LARP4B: variants seen among roughly 807,000 people sequenced by gnomAD.
LARP4B encodes la-related protein 4B.
LARP4B carries 12 observed loss-of-function variants against 89.8 expected under a neutral mutation model. That is an observed-to-expected ratio of 0.13 (90% confidence interval 0.09 to 0.22). LARP4B has a LOEUF of 0.22. Among genes scored for constraint, LARP4B ranks in the 10% least tolerant of loss-of-function variants. The pLI is 1.00. For synonymous variants in LARP4B, 367 were observed against 363.3 expected, an observed-to-expected ratio of 1.01 and a Z score of -0.12; for missense variants, 757 against 947.7, an observed-to-expected ratio of 0.80 and a Z score of 2.64.
chr10:852,818 A>G (rs1834123726), intron 5 of LARP4B, among the ~76,000 whole-genome samples: 1 of 152,254 alleles, frequency 6.6e-6, no homozygotes, highest in Non-Finnish European at 1.5e-5. Flanking sequence ...GAATGCTTTG[A>G]TATACTAGTA....
chr10:964,573 A>C, the LARP4B span, among the ~76,000 whole-genome samples: 1 of 152,182 alleles, frequency 6.6e-6, no homozygotes, highest in African/African-American at 2.4e-5. Flanking sequence ...TGCTGAAGTT[A>C]GCAGAGGTCT....
intron 9 of LARP4B, 33 bp downstream of exon 9, chr10:830,834 G>C (rs1311163716): frequency 1.1e-6 from 1 of 911,898 alleles, no homozygotes; most frequent in South Asian, 1.4e-5. Flanking sequence ...GGTAAACTAT[G>C]CAATTCATAG....
intron 1 of LARP4B, among the ~76,000 whole-genome samples, chr10:928,272 C>T: frequency 6.6e-6 from 1 of 150,904 alleles, no homozygotes; most frequent in South Asian, 2.1e-4. Flanking sequence ...AGGATAAAAA[C>T]AAATGAAATC....
chr10:808,392 C>T (rs573078536), downstream of LARP4B: 8 of 152,306 alleles, frequency 5.3e-5, no homozygotes, highest in African/African-American at 1.9e-4. Flanking sequence ...TGGCATAATT[C>T]CTGCCCTCAG....
intron 1 of LARP4B, among the ~76,000 whole-genome samples, chr10:930,445 A>G (rs1564450654): frequency 6.6e-6 from 1 of 152,202 alleles, no homozygotes; most frequent in Non-Finnish European, 1.5e-5. Context: ...CTCAAACGAA[A>G]GCCAGATAGG....
At chr10:882,302 G>C (rs1247184822) in intron 3 of LARP4B, among the ~76,000 whole-genome samples, 1 of 151,550 alleles carries the variant, frequency 6.6e-6, no homozygotes, top group Non-Finnish European at 1.5e-5. Flanking sequence ...TTACAGTTTA[G>C]TGGAGAAAAC....
the LARP4B span, among the ~76,000 whole-genome samples, chr10:967,921 C>T: frequency 6.6e-6 from 1 of 152,126 alleles, no homozygotes; most frequent in Non-Finnish European, 1.5e-5. Flanking sequence ...AGGCTGGTCT[C>T]GAACTCCCGA....
chr10:927,392 T>C (rs1039077512), intron 1 of LARP4B, among the ~76,000 whole-genome samples: 8 of 152,292 alleles, frequency 5.3e-5, no homozygotes, highest in Non-Finnish European at 1.0e-4. Flanking sequence ...ATTAGAACGT[T>C]AGGGGAAAAA....
At chr10:845,121 C>G (rs1833709109) in intron 5 of LARP4B, 66 bp from the exon 6 acceptor site, 3 of 1,165,132 alleles carry the variant, frequency 2.6e-6, no homozygotes, top group Admixed American at 3.9e-5. Flanking sequence ...TAATTCAGTA[C>G]AGCAGTTCTA....
rs1280072928 is a variant in LARP4B at position 822,003 on chromosome 10, C to T, written c.1485-1158G>A. Among the ~76,000 whole-genome samples, 1 of 152,174 alleles carries T rather than the reference C, an allele frequency of 6.6e-6. No individual in the cohort carries two copies. The highest frequency in any genetic ancestry group is 1.5e-5 in the Non-Finnish European group (1 of 68,024). ...CTTGTCCTGGATCCATGCCTGTGGCCTCACAGGGAGAGAGGGTCCTGGGCC... is the reference window on the plus strand; with the variant it reads ...CTTGTCCTGGATCCATGCCTGTGGCTTCACAGGGAGAGAGGGTCCTGGGCC... On this transcript the variant is annotated intron_variant, in intron 13 of 17. Coordinates refer to ENST00000316157, the MANE Select transcript of LARP4B (RefSeq NM_015155.3). This position sits in a 1 kb window ranked among gnomAD's most constrained non-coding sequence, Gnocchi z 4.6.
At chr10:987,596 T>C in the LARP4B span, 3 of 152,192 alleles carry the variant, frequency 2.0e-5, no homozygotes, top group Admixed American at 6.5e-5. Flanking sequence ...AGTTAATATA[T>C]AGTCAGCAGC....
chr10:959,918 CTCAATCCCACCTCCTCG>C, the LARP4B span, among the ~76,000 whole-genome samples: 81 of 146,636 alleles, frequency 5.5e-4, no homozygotes, highest in South Asian at 2.0e-3. Context: ...CCACCTCCTC[CTCAATCCCACCTCCTCG>C]TCAATCCCAC....
intron 9 of LARP4B, among the ~76,000 whole-genome samples, chr10:829,984 T>G (rs567982254): frequency 6.6e-6 from 1 of 152,184 alleles, no homozygotes; most frequent in Non-Finnish European, 1.5e-5. Context: ...ACAGATGCCA[T>G]AGAAGTCTCC....
intron 8 of LARP4B, among the ~76,000 whole-genome samples, chr10:835,292 T>C (rs531703807): frequency 6.6e-6 from 1 of 152,226 alleles, no homozygotes; most frequent in Non-Finnish European, 1.5e-5. Context: ...CATGCTAGGG[T>C]TGTTTTCCTT....
At chr10:948,479 C>A in the LARP4B span, among the ~76,000 whole-genome samples, 1 of 152,206 alleles carries the variant, frequency 6.6e-6, no homozygotes, top group Non-Finnish European at 1.5e-5. Context: ...AACTCCTGAC[C>A]TTAGGTGATC....
intron 3 of LARP4B, chr10:872,920 G>A (rs1431240149): frequency 2.1e-6 from 1 of 486,340 alleles, no homozygotes; most frequent in African/African-American, 2.1e-5. Context: ...GACCCTGTTT[G>A]TGCCCAGACC....
chr10:968,443 C>T, the LARP4B span, among the ~76,000 whole-genome samples: 1 of 152,152 alleles, frequency 6.6e-6, no homozygotes, highest in East Asian at 1.9e-4. Context: ...TTGACTTTTC[C>T]CTCATTCCAC....
intron 5 of LARP4B, among the ~76,000 whole-genome samples, chr10:860,554 C>A (rs770637053): frequency 2.6e-4 from 39 of 152,084 alleles, no homozygotes; most frequent in Non-Finnish European, 5.3e-4. Flanking sequence ...TTTTTATTGG[C>A]AAAGCCACAT....
At chr10:912,128 T>G (rs1270287715) in intron 1 of LARP4B, among the ~76,000 whole-genome samples, 1 of 152,184 alleles carries the variant, frequency 6.6e-6, no homozygotes, top group African/African-American at 2.4e-5. Context: ...GTTTCCCTCC[T>G]TTGGGGGACC....
Sources: gnomAD v4.1 joint callset for allele counts (sites outside exome capture counted in the v4.1 genomes callset) on GRCh38, gnomAD v4.1.1 for gene constraint, Gnocchi (gnomAD v3.1) non-coding constraint, MANE v1.5 for transcripts, NCBI Gene and HGNC (gene_info 2026-07-23, HGNC 2026-07-21) for gene names.